MDGA2: variants seen among roughly 807,000 people sequenced by gnomAD.
MDGA2 encodes MAM domain containing glycosylphosphatidylinositol anchor 2, also known as MAM domain-containing glycosylphosphatidylinositol anchor protein 2.
In MDGA2, 40 loss-of-function variants were observed where a neutral mutation model predicts 117.8. The ratio of observed to expected loss-of-function variants is 0.34; its 90% CI spans 0.26 to 0.44. The LOEUF (loss-of-function observed/expected upper bound fraction) is 0.44, where lower values mean the gene tolerates loss of function less well. Ranked by LOEUF, MDGA2 falls within the 20% of genes least tolerant of loss-of-function variation. MDGA2 has a pLI of 1.00. For synonymous variants in MDGA2, 452 were observed against 439.0 expected, an observed-to-expected ratio of 1.03 and a Z score of -0.37; for missense variants, 1,123 against 1,250.6, an observed-to-expected ratio of 0.90 and a Z score of 1.54.
Position 46,874,109 on chromosome 14 carries a change from T to G in MDGA2, c.2529A>C (p.Ala843=), listed in dbSNP as rs1435972369. ...DNFDWTKQST[A]TRNTKYTPNT... ...TAGGAGTATATTTTGTATTTCTTGT[T>G]GCTGTACTTTGCTTTGTCCAGTCAA... The change falls in exon 13 of 17, where the codon GCA becomes GCC. Residue 843 remains alanine (A), a synonymous_variant. Transcript: ENST00000399232. 7.7e-6 allele frequency: 12 copies of G among 1,557,176 alleles called. No individual in the cohort carries two copies. The East Asian group carries it at 2.9e-4, about 38-fold the overall frequency.
At chr14:47,147,863 C>A (rs566899374) in intron 3 of MDGA2, among the ~76,000 whole-genome samples, 6 of 152,250 alleles carry the variant, frequency 3.9e-5, no homozygotes, top group East Asian at 3.9e-4. Flanking sequence ...TCTCACCCTG[C>A]GCTAGTACAT....
At chr14:47,105,758 C>T (rs557765690) in intron 5 of MDGA2, among the ~76,000 whole-genome samples, 148 of 151,174 alleles carry the variant, frequency 9.8e-4, no homozygotes, top group Middle Eastern at 3.4e-3. Context: ...CTTTCCCTCC[C>T]GCCTGTCCCC....
intron 1 of MDGA2, among the ~76,000 whole-genome samples, chr14:47,617,731 T>C (rs1896972789): frequency 6.6e-6 from 1 of 152,144 alleles, no homozygotes; most frequent in Non-Finnish European, 1.5e-5. Flanking sequence ...TTTCCTTAGG[T>C]TACATGCATA....
intron 1 of MDGA2, among the ~76,000 whole-genome samples, chr14:47,473,239 G>T (rs546879424): frequency 6.6e-6 from 1 of 152,244 alleles, no homozygotes; most frequent in East Asian, 1.9e-4. Flanking sequence ...CCTGCTCTGT[G>T]GTTCTAATTC....
At chr14:47,439,649 T>G (rs1052028156) in intron 1 of MDGA2, among the ~76,000 whole-genome samples, 2 of 152,102 alleles carry the variant, frequency 1.3e-5, no homozygotes, top group African/African-American at 4.8e-5. Context: ...GCCAAATTAT[T>G]TGTACCTACA....
intron 1 of MDGA2, among the ~76,000 whole-genome samples, chr14:47,536,466 A>T (rs1473915891): frequency 3.3e-5 from 5 of 152,234 alleles, no homozygotes; most frequent in Non-Finnish European, 7.3e-5. Flanking sequence ...ACATTGCTGC[A>T]GCAGATGGGA....
intron 1 of MDGA2, among the ~76,000 whole-genome samples, chr14:47,396,254 C>A (rs539588206): frequency 6.5e-4 from 99 of 152,176 alleles, no homozygotes; most frequent in African/African-American, 2.3e-3. Flanking sequence ...TACTTCTAGA[C>A]TCCTATATGT....
chr14:47,511,325 T>C (rs1894635759), intron 1 of MDGA2, among the ~76,000 whole-genome samples: 2 of 152,188 alleles, frequency 1.3e-5, no homozygotes, highest in African/African-American at 4.8e-5. Context: ...GAAAAAAACA[T>C]AACCACTTCT....
intron 1 of MDGA2, among the ~76,000 whole-genome samples, chr14:47,587,029 T>C (rs1896338189): frequency 1.3e-5 from 2 of 151,928 alleles, no homozygotes; most frequent in Non-Finnish European, 2.9e-5. Context: ...ATTTATGCTA[T>C]GTGCTCCTAC....
chr14:47,647,115 A>G (rs1897549041), intron 1 of MDGA2, among the ~76,000 whole-genome samples: 1 of 152,210 alleles, frequency 6.6e-6, no homozygotes, highest in South Asian at 2.1e-4. Flanking sequence ...GTTCATAAAA[A>G]TAAATGTTTG....
intron 9 of MDGA2, among the ~76,000 whole-genome samples, chr14:46,947,518 G>A (rs1225807784): frequency 6.6e-6 from 1 of 151,990 alleles, no homozygotes; most frequent in Non-Finnish European, 1.5e-5. Flanking sequence ...CCCATGTGTT[G>A]TGGGAGGGAT....
intron 1 of MDGA2, among the ~76,000 whole-genome samples, chr14:47,492,758 A>C (rs932242015): frequency 6.6e-6 from 1 of 152,054 alleles, no homozygotes; most frequent in Non-Finnish European, 1.5e-5. Flanking sequence ...ACATACAAGA[A>C]ATTTTTTTTA....
chr14:47,454,177 T>C (rs530779181), intron 1 of MDGA2, among the ~76,000 whole-genome samples: 2 of 152,290 alleles, frequency 1.3e-5, no homozygotes, highest in South Asian at 4.1e-4. Flanking sequence ...TCCAAGTGAT[T>C]GATTGACACT....
rs577240272 is a variant in MDGA2 at position 47,378,324 on chromosome 14, G to T, written c.281-76774C>A. ...ACCTCTTCTTCTCCAAAGGAACGCAGCTCCTTGCCAGCAATGGAACAAAGC... is the reference window on the plus strand; with the variant it reads ...ACCTCTTCTTCTCCAAAGGAACGCATCTCCTTGCCAGCAATGGAACAAAGC... On this transcript the variant is annotated intron_variant, in intron 1 of 16. Transcript: ENST00000399232. Among the ~76,000 whole-genome samples, 7 of 152,292 alleles carry T rather than the reference G, an allele frequency of 4.6e-5. No homozygotes were observed. The South Asian group carries it at 8.3e-4, about 18-fold the overall frequency.
intron 3 of MDGA2, chr14:47,200,623 TTTCTTCTCCACG>T (rs1885466973): frequency 7.7e-7 from 1 of 1,294,634 alleles, no homozygotes; most frequent in Non-Finnish European, 1.1e-6. Context: ...ATTTGTCAAT[TTTCTTCTCCACG>T]TTCTTCTCGG....
chr14:47,359,754 A>AAG (rs1288747876), intron 1 of MDGA2, among the ~76,000 whole-genome samples: 14 of 151,084 alleles, frequency 9.3e-5, no homozygotes, highest in African/African-American at 2.9e-4. Context: ...GTCTCAAAAA[A>AAG]AAAAAAAAAA....
intron 1 of MDGA2, among the ~76,000 whole-genome samples, chr14:47,477,618 G>A (rs1400397190): frequency 6.6e-6 from 1 of 152,130 alleles, no homozygotes; most frequent in African/African-American, 2.4e-5. Context: ...TTGGACTTAA[G>A]TTATTCCTGA....
At chr14:47,515,633 T>C (rs891953857) in intron 1 of MDGA2, among the ~76,000 whole-genome samples, 3 of 152,170 alleles carry the variant, frequency 2.0e-5, no homozygotes, top group Admixed American at 1.3e-4. Context: ...ACTCTCAGAA[T>C]AATATGCTCA....
Position 47,217,501 on chromosome 14 carries a change from G to C in MDGA2, c.595+520C>G, listed in dbSNP as rs975525090. Among the ~76,000 whole-genome samples, 6 of 152,040 alleles carry C rather than the reference G, an allele frequency of 3.9e-5. No individual in the cohort carries two copies. The East Asian group carries it at 1.2e-3, about 29-fold the overall frequency. On this transcript the variant is annotated intron_variant, in intron 3 of 16. Coordinates refer to ENST00000399232, the MANE Select transcript of MDGA2 (RefSeq NM_001113498.3). ...CACAGCATTGTCCAGGGTTGGTGCT[G>C]ATTACTTTTAACAGAATTGGACCAA...
Sources: gnomAD v4.1 joint callset for allele counts (sites outside exome capture counted in the v4.1 genomes callset) on GRCh38, gnomAD v4.1.1 for gene constraint, MANE v1.5 for transcripts, NCBI Gene and HGNC (gene_info 2026-07-23, HGNC 2026-07-21) for gene names.